The following DRD2 variants were observed in gnomAD, a reference collection of about 807,000 sequenced individuals.
The protein encoded by DRD2 is dopamine receptor D2, also known as D(2) dopamine receptor.
DRD2 carries 8 observed loss-of-function variants against 38.0 expected under a neutral mutation model. That is an observed-to-expected ratio of 0.21 (90% CI 0.12 to 0.38). DRD2 has a LOEUF of 0.38. DRD2 is among the 10% of genes least tolerant of loss of function. The pLI, the probability that DRD2 is intolerant of heterozygous loss-of-function variation, is 1.00. For missense variants in DRD2, 403 were observed against 607.7 expected, an observed-to-expected ratio of 0.66 and a Z score of 3.54; for synonymous variants, 230 against 238.6, an observed-to-expected ratio of 0.96 and a Z score of 0.33.
intron 1 of DRD2, among the ~76,000 whole-genome samples, chr11:113,468,421 A>G (rs1445333595): frequency 1.3e-5 from 2 of 152,256 alleles, no homozygotes; most frequent in African/African-American, 4.8e-5. Flanking sequence ...CACGATTATT[A>G]CAGTCCCTTA....
At chr11:113,451,267 A>G (rs1296955560) in intron 1 of DRD2, among the ~76,000 whole-genome samples, 1 of 152,150 alleles carries the variant, frequency 6.6e-6, no homozygotes, top group Non-Finnish European at 1.5e-5. Flanking sequence ...TTTGTTTACT[A>G]TTTACCATCC....
rs1379402346 is a variant in DRD2 at position 113,417,121 on chromosome 11, C to T, written c.396-122G>A. On this transcript the variant is annotated intron_variant, in intron 3 of 7. Transcript: ENST00000362072. The stretch of plus-strand genomic sequence containing the variant: ...AAACAGTTGACACACCTCTATGAAG[C>T]TTGCCTGAGATGCTAACTCAACCCT... 7.8e-6 allele frequency: 11 copies of T among 1,410,890 alleles called. No individual in the cohort carries two copies. In the African/African-American group the frequency reaches 1.0e-4, roughly 13 times the overall value. 87.4% of individuals were successfully genotyped at this position (1,410,890 alleles called of 1,614,324 possible). A position where few individuals can be genotyped will look rare whatever the true frequency, so the allele number is the denominator to read the frequency against.
intron 1 of DRD2, among the ~76,000 whole-genome samples, chr11:113,440,073 GA>G (rs1473270201): frequency 1.3e-5 from 2 of 151,990 alleles, no homozygotes; most frequent in Non-Finnish European, 2.9e-5. Context: ...CATCTTCAAG[GA>G]AATGAACTTA....
At chr11:113,448,410 T>C (rs1219554035) in intron 1 of DRD2, among the ~76,000 whole-genome samples, 1 of 152,294 alleles carries the variant, frequency 6.6e-6, no homozygotes, top group African/African-American at 2.4e-5. Flanking sequence ...TCCCTGGCTA[T>C]TCTTGGAAAC....
chr11:113,474,108 C>G (rs1429499940), intron 1 of DRD2: 1 of 152,438 alleles, frequency 6.6e-6, no homozygotes. Context: ...GGTGGGGCAA[C>G]AGTGACTTGC....
At chr11:113,429,339 G>T (rs965315429) in intron 1 of DRD2, among the ~76,000 whole-genome samples, 1 of 152,118 alleles carries the variant, frequency 6.6e-6, no homozygotes, top group African/African-American at 2.4e-5. Flanking sequence ...CCGCCTCCTG[G>T]ATTCACGCCA....
intron 1 of DRD2, among the ~76,000 whole-genome samples, chr11:113,430,812 G>A (rs552505939): frequency 6.6e-6 from 1 of 152,324 alleles, no homozygotes; most frequent in South Asian, 2.1e-4. Flanking sequence ...TCTGGAGCTT[G>A]TTGAGGGAAA....
At chr11:113,466,488 C>A (rs1287100361) in intron 1 of DRD2, among the ~76,000 whole-genome samples, 1 of 152,192 alleles carries the variant, frequency 6.6e-6, no homozygotes, top group Non-Finnish European at 1.5e-5. Flanking sequence ...ATTCAATATT[C>A]CCCAACTTCC....
chr11:113,423,563 C>T lies in DRD2; in HGVS notation c.285+804G>A, dbSNP rs528915568. On this transcript the variant is annotated intron_variant, in intron 2 of 7. Coordinates refer to ENST00000362072, the MANE Select transcript of DRD2 (RefSeq NM_000795.4). ...TGCTAGGATTACAGGCGTGAGCCAC[C>T]GTGCTCGGCCTGTTTCCTATTTTGT... is the stretch of plus-strand genomic sequence containing the variant. Among the ~76,000 whole-genome samples the T allele has an allele frequency of 1.2e-4, 18 of 152,288 alleles. No homozygotes were observed. In the South Asian group the frequency reaches 1.2e-3, roughly 11 times the overall value.
chr11:113,455,473 A>G (rs758735765), intron 1 of DRD2, among the ~76,000 whole-genome samples: 9 of 152,214 alleles, frequency 5.9e-5, no homozygotes, highest in Non-Finnish European at 1.3e-4. Flanking sequence ...ACATCAAACT[A>G]AAATGTTTCT....
At chr11:113,460,657 G>A (rs1951308979) in intron 1 of DRD2, among the ~76,000 whole-genome samples, 1 of 152,248 alleles carries the variant, frequency 6.6e-6, no homozygotes, top group Non-Finnish European at 1.5e-5. Flanking sequence ...CTGGCCACAT[G>A]TGCCCCTGTC....
chr11:113,468,900 A>G (rs539053330), intron 1 of DRD2, among the ~76,000 whole-genome samples: 4 of 152,344 alleles, frequency 2.6e-5, no homozygotes, highest in Admixed American at 2.6e-4. Flanking sequence ...GTGTCTGTCC[A>G]GGATCCCAGG....
At chr11:113,436,294 A>G (rs140757769) in intron 1 of DRD2, among the ~76,000 whole-genome samples, 1 of 152,314 alleles carries the variant, frequency 6.6e-6, no homozygotes, top group African/African-American at 2.4e-5. Flanking sequence ...CAAATGACCC[A>G]GTTTCTTCCA....
intron 1 of DRD2, among the ~76,000 whole-genome samples, chr11:113,467,308 C>A (rs1199955338): frequency 6.6e-6 from 1 of 152,124 alleles, no homozygotes; most frequent in Non-Finnish European, 1.5e-5. Context: ...CAAGAGAGTC[C>A]TCCCCAAGAA....
chr11:113,466,294 C>T (rs970601770), intron 1 of DRD2, among the ~76,000 whole-genome samples: 1 of 152,218 alleles, frequency 6.6e-6, no homozygotes, highest in African/African-American at 2.4e-5. Flanking sequence ...AAAGTAAGGA[C>T]TAGTCCAATT....
intron 1 of DRD2, among the ~76,000 whole-genome samples, chr11:113,437,862 G>T (rs1185648148): frequency 6.6e-6 from 1 of 152,178 alleles, no homozygotes; most frequent in Non-Finnish European, 1.5e-5. Flanking sequence ...ATCTTGCTTT[G>T]CCTGGTCTTC....
At chr11:113,426,552 A>G (rs148739412) in intron 1 of DRD2, among the ~76,000 whole-genome samples, 111 of 152,284 alleles carry the variant, frequency 7.3e-4, no homozygotes, top group African/African-American at 2.5e-3. Context: ...ATGTGGTGCC[A>G]TGTCCAATCA....
At chr11:113,453,300 A>G (rs1951234107) in intron 1 of DRD2, among the ~76,000 whole-genome samples, 1 of 152,204 alleles carries the variant, frequency 6.6e-6, no homozygotes, top group South Asian at 2.1e-4. Flanking sequence ...GGGTGATGAT[A>G]ACAGTATCTA....
intron 1 of DRD2, among the ~76,000 whole-genome samples, chr11:113,435,635 G>GC (rs948785014): frequency 7.6e-4 from 75 of 98,050 alleles, no homozygotes; most frequent in African/African-American, 2.5e-3. Flanking sequence ...TCCTCCCCCC[G>GC]CCCCCCCACT....
Sources: allele counts gnomAD v4.1 joint callset (sites outside exome capture counted in the v4.1 genomes callset), GRCh38; gene constraint gnomAD v4.1.1; transcripts MANE v1.5; gene names NCBI Gene and HGNC (gene_info 2026-07-23, HGNC 2026-07-21).